Variants in MAGOHB observed in about 807,000 individuals in gnomAD.
The protein encoded by MAGOHB is protein mago nashi homolog 2.
Under a neutral mutation model 20.9 loss-of-function variants are expected in MAGOHB, and 15 were observed. The ratio of observed to expected loss-of-function variants is 0.72; its 90% CI spans 0.48 to 1.11. MAGOHB has a LOEUF of 1.11. Ranked by LOEUF, MAGOHB falls within the 50% of genes least tolerant of loss-of-function variation. The probability of loss-of-function intolerance (pLI) is 0.00; values close to 1 mark genes in which losing one functional copy is unlikely to be tolerated. For missense variants in MAGOHB, 162 were observed against 177.6 expected (o/e 0.91, Z 0.50); for synonymous variants, 50 against 57.9 (o/e 0.86, Z 0.62).
At position 10,607,873 on chromosome 12, in the gene MAGOHB, T is replaced by C; in HGVS notation, c.328A>G (p.Ile110Val). The part of the protein sequence containing the change: ...SFTTSKIGSL[I>V]DVNQSKDPEG... Reference sequence around the variant, plus strand: ...ACTTACTTTGACTGATTTACATCAATAAGAGAACCTATTTTTGATGTGGTA... The same window carrying C: ...ACTTACTTTGACTGATTTACATCAACAAGAGAACCTATTTTTGATGTGGTA... The change falls in exon 4 of 5, where the codon ATT becomes GTT. Residue 110 changes from isoleucine to valine, a missense_variant. Ile to Val is a conservative substitution (Grantham distance 29). Coordinates refer to ENST00000320756, the MANE Select transcript of MAGOHB (RefSeq NM_018048.5). 6.3e-7 allele frequency: 1 copy of C among 1,591,620 alleles called. No individual in the cohort carries two copies. The highest frequency in any genetic ancestry group is 8.6e-7 in the Non-Finnish European group (1 of 1,166,544).
chr12:10,603,953 TCA>T (rs1379565122), downstream of MAGOHB, among the ~76,000 whole-genome samples: 8 of 151,726 alleles, frequency 5.3e-5, no homozygotes, highest in Middle Eastern at 3.5e-3. Context: ...ATAAATCATC[TCA>T]GTTACATTAA....
Position 10,606,167 on chromosome 12 carries a change from C to T in MAGOHB, c.*108G>A, listed in dbSNP as rs1591661799. The stretch of plus-strand genomic sequence containing the variant: ...TATTTTCTTATTTTCAGTTTACATA[C>T]AAATTTTTTTTGTTTGCTTCACATT... On this transcript the variant is annotated 3_prime_UTR_variant, in exon 5 of 5. Transcript: ENST00000320756. 1.7e-6 allele frequency: 1 copy of T among 590,288 alleles called. No individual in the cohort carries two copies. The highest frequency in any genetic ancestry group is 2.9e-6 in the Non-Finnish European group (1 of 342,796). 36.6% of individuals were successfully genotyped at this position (590,288 alleles called of 1,614,324 possible).
At chr12:10,600,167 C>T (rs1007203989), downstream of MAGOHB, among the ~76,000 whole-genome samples, 2 of 151,714 alleles carry the variant, frequency 1.3e-5, no homozygotes, top group South Asian at 2.1e-4. Context: ...TTTTTTTTCT[C>T]TGTATGTTGT....
intron 1 of MAGOHB, 91 bp from the exon 2 acceptor site, chr12:10,610,771 A>C (rs1865718838): frequency 8.7e-7 from 1 of 1,150,894 alleles, no homozygotes; most frequent in Non-Finnish European, 1.2e-6. Context: ...AGACCATTTT[A>C]TACTACTATT....
intron 4 of MAGOHB, among the ~76,000 whole-genome samples, chr12:10,607,340 G>C (rs1025874264): frequency 1.3e-5 from 2 of 151,826 alleles, no homozygotes; most frequent in Non-Finnish European, 2.9e-5. Flanking sequence ...AGGGGAATGG[G>C]CACAAATAAA....
intron 3 of MAGOHB, 113 bp downstream of exon 3, chr12:10,609,718 T>G: frequency 1.5e-6 from 1 of 682,458 alleles, no homozygotes; most frequent in Non-Finnish European, 2.5e-6. Flanking sequence ...CAGGTGCCTA[T>G]TAAATAGAAA....
chr12:10,610,095 G>C (rs1231659913), intron 2 of MAGOHB, among the ~76,000 whole-genome samples, 154 bp from the exon 3 acceptor site: 1 of 152,152 alleles, frequency 6.6e-6, no homozygotes, highest in Non-Finnish European at 1.5e-5. Context: ...ACTTATCCTT[G>C]TTACACTGCT....
downstream of MAGOHB, among the ~76,000 whole-genome samples, chr12:10,599,987 T>C (rs186479763): frequency 6.6e-6 from 1 of 152,274 alleles, no homozygotes; most frequent in East Asian, 1.9e-4. Context: ...ATGATTGAAC[T>C]ACTTAGCTCT....
downstream of MAGOHB, among the ~76,000 whole-genome samples, chr12:10,600,699 A>C (rs1023210353): frequency 6.6e-6 from 1 of 152,162 alleles, no homozygotes. Flanking sequence ...TTGTCACTCC[A>C]CCATGAGGCA....
Position 10,613,423 on chromosome 12 carries a change from G to C in MAGOHB, c.94+16C>G. ...CTCCCCTTTCCCAGCACCGCGTGCC[G>C]TGGGCCTCTTCTCACCGTCCGGCCG... On this transcript the variant is annotated intron_variant, in intron 1 of 4. Coordinates refer to ENST00000320756, the MANE Select transcript of MAGOHB (RefSeq NM_018048.5). The C allele has an allele frequency of 6.2e-7, 1 of 1,611,814 alleles. No individual in the cohort carries two copies. Among genetic ancestry groups the C allele is most frequent in the South Asian group, 1.1e-5 (1 of 91,052 alleles).
chr12:10,603,871 A>G (rs895014215), downstream of MAGOHB, among the ~76,000 whole-genome samples: 3 of 152,232 alleles, frequency 2.0e-5, no homozygotes, highest in African/African-American at 7.2e-5. Context: ...CAGTGGTTAA[A>G]CTTACAGCAC....
chr12:10,610,693 G>A lies in MAGOHB; in HGVS notation c.95-13C>T, dbSNP rs1286671014. ...TATCTAAGCTTTCCTGTGGGAAGTG[G>A]AAAAAAATCAATTTATAATAGCAAA... On this transcript the variant is annotated splice_polypyrimidine_tract_variant and intron_variant, in intron 1 of 4. Transcript: ENST00000320756. 1 of 1,566,642 alleles carries A rather than the reference G, an allele frequency of 6.4e-7. No homozygotes were observed. The highest frequency in any genetic ancestry group is 8.6e-7 in the Non-Finnish European group (1 of 1,164,702).
intron 1 of MAGOHB, 45 bp from the exon 2 acceptor site, chr12:10,610,725 TA>T (rs778913796): frequency 3.3e-6 from 5 of 1,524,750 alleles, no homozygotes; most frequent in Admixed American, 2.3e-5. Context: ...CAAAAACTGC[TA>T]AAAAAATTAA....
chr12:10,609,480 T>C (rs1266573102), intron 3 of MAGOHB: 3 of 377,322 alleles, frequency 8.0e-6, no homozygotes, highest in South Asian at 4.1e-5. Flanking sequence ...GTAAGAATTT[T>C]AGAAGTTATG....
At chr12:10,602,884 C>T (rs886824232), downstream of MAGOHB, among the ~76,000 whole-genome samples, 1 of 152,082 alleles carries the variant, frequency 6.6e-6, no homozygotes, top group Non-Finnish European at 1.5e-5. Context: ...GCTCTTCCTG[C>T]CCCAGACTAA....
At chr12:10,613,296 A>C in intron 1 of MAGOHB, 143 bp downstream of exon 1, 1 of 726,574 alleles carries the variant, frequency 1.4e-6, no homozygotes, top group Non-Finnish European at 2.4e-6. Context: ...TCATTTATAA[A>C]ACCAACTTAT....
chr12:10,613,319 C>G, intron 1 of MAGOHB, 120 bp downstream of exon 1: 2 of 851,064 alleles, frequency 2.3e-6, no homozygotes, highest in South Asian at 2.7e-5. Context: ...CTCCTCTATT[C>G]TTAAGCTCCT....
intron 3 of MAGOHB, 108 bp from the exon 4 acceptor site, chr12:10,608,044 C>G: frequency 1.6e-6 from 1 of 625,444 alleles, no homozygotes. Context: ...TTCTAGCAGC[C>G]AACAGAGGGA....
downstream of MAGOHB, among the ~76,000 whole-genome samples, chr12:10,601,032 ATT>A (rs1865549246): frequency 6.6e-6 from 1 of 152,128 alleles, no homozygotes; most frequent in African/African-American, 2.4e-5. Context: ...GCTGCTGGGC[ATT>A]TTCTTCTTTC....
Sources: allele counts gnomAD v4.1 joint callset (sites outside exome capture counted in the v4.1 genomes callset), GRCh38; gene constraint gnomAD v4.1.1; transcripts MANE v1.5; gene names NCBI Gene and HGNC (gene_info 2026-07-23, HGNC 2026-07-21).